IL27: variants seen among roughly 807,000 people sequenced by gnomAD.
The protein encoded by IL27 is interleukin-27 subunit alpha.
In IL27, 11 loss-of-function variants were observed where a neutral mutation model predicts 27.0. The observed-to-expected ratio is 0.41, with a 90% CI of 0.26 to 0.67. The LOEUF (loss-of-function observed/expected upper bound fraction) is 0.67. Ranked by LOEUF, IL27 falls within the 30% of genes least tolerant of loss-of-function variation. The pLI, the probability that IL27 is intolerant of heterozygous loss-of-function variation, is 0.34. For missense variants in IL27, 299 were observed against 310.4 expected (o/e 0.96, Z 0.28); for synonymous variants, 134 against 140.6 (o/e 0.95, Z 0.33).
intron 1 of IL27, among the ~76,000 whole-genome samples, chr16:28,506,248 G>A (rs1279642926): frequency 2.0e-5 from 3 of 152,078 alleles, no homozygotes; most frequent in African/African-American, 4.8e-5. Context: ...CCTGCCCTAC[G>A]TGGCATGTTA....
At position 28,501,996 on chromosome 16, in the gene IL27, G is replaced by T; in HGVS notation, c.442C>A (p.Gln148Lys). ...WAMRLDLRDL[Q>K]RHLRFQVLAA... ...TCTACCTGGAAGCGGAGGTGCCGCTGCAGATCGCGGAGGTCCAGCCTCATG... is the reference window on the plus strand; with the variant it reads ...TCTACCTGGAAGCGGAGGTGCCGCTTCAGATCGCGGAGGTCCAGCCTCATG... Residue 148 changes from glutamine (Q) to lysine (K), a missense_variant, in exon 4 of 5, where the codon CAG (glutamine) becomes AAG (lysine). By Grantham distance (53) the Gln-to-Lys change is moderately conservative (BLOSUM62 1). Coordinates refer to ENST00000356897, the MANE Select transcript of IL27 (RefSeq NM_145659.3). 1.2e-6 allele frequency: 2 copies of T among 1,607,924 alleles called. No individual in the cohort carries two copies. The highest frequency in any genetic ancestry group is 2.2e-5 in the South Asian group (2 of 90,990).
chr16:28,500,980 G>A (rs920140348), intron 4 of IL27, among the ~76,000 whole-genome samples: 14 of 152,058 alleles, frequency 9.2e-5, no homozygotes, highest in African/African-American at 2.7e-4. Flanking sequence ...CGGGCAGAGC[G>A]CGAGGTCAGG....
At chr16:28,503,521 G>A (rs2046444980) in intron 3 of IL27, among the ~76,000 whole-genome samples, 174 bp downstream of exon 3, 1 of 152,204 alleles carries the variant, frequency 6.6e-6, no homozygotes, top group Non-Finnish European at 1.5e-5. Flanking sequence ...CCAAAGTGCT[G>A]GGTTTATAGG....
At chr16:28,501,311 C>T (rs1367903320) in intron 4 of IL27, among the ~76,000 whole-genome samples, 1 of 151,658 alleles carries the variant, frequency 6.6e-6, no homozygotes, top group Admixed American at 6.6e-5. Context: ...ACAACACTCA[C>T]ATTCACACAC....
At chr16:28,506,647 T>A in intron 1 of IL27, 134 bp downstream of exon 1, 1 of 850,156 alleles carries the variant, frequency 1.2e-6, no homozygotes, top group Non-Finnish European at 1.8e-6. Flanking sequence ...TCCCTTCCCA[T>A]GCAGCAGCCA....
intron 4 of IL27, among the ~76,000 whole-genome samples, chr16:28,501,203 A>AG (rs1313143304): frequency 1.3e-4 from 20 of 151,064 alleles, no homozygotes; most frequent in Admixed American, 1.3e-4. Context: ...AAAAAAAAAA[A>AG]TCGTTCACGT....
chr16:28,503,389 A>C (rs2046444306), intron 3 of IL27, among the ~76,000 whole-genome samples: 1 of 152,160 alleles, frequency 6.6e-6, no homozygotes, highest in East Asian at 1.9e-4. Context: ...AGCTGGGACC[A>C]AAGGTGTACA....
Position 28,499,561 on chromosome 16 carries a change from C to T in IL27, c.*90G>A. The T allele has an allele frequency of 9.2e-7, 1 of 1,086,404 alleles. No homozygotes were observed. The allele number at this position is 1,086,404 out of a possible 1,614,324, so 67.3% of individuals were successfully genotyped here. On this transcript the variant is annotated 3_prime_UTR_variant, in exon 5 of 5. Transcript: ENST00000356897. ...GGGGCTGGAAGAGCCCTCCCTTGTC[C>T]AAGGCTGATGATGCGAAGGCTGCCC...
chr16:28,501,061 C>T (rs1215968110), intron 4 of IL27, among the ~76,000 whole-genome samples: 2 of 152,042 alleles, frequency 1.3e-5, no homozygotes, highest in African/African-American at 2.4e-5. Context: ...TGATGGTGCA[C>T]GCCTGTAGTC....
intron 4 of IL27, among the ~76,000 whole-genome samples, chr16:28,501,444 AC>A (rs540672169): frequency 2.0e-3 from 297 of 147,722 alleles, no homozygotes; most frequent in African/African-American, 7.2e-3. Flanking sequence ...TCACAGTCAC[AC>A]CCACACACTC....
At chr16:28,503,614 A>T in intron 3 of IL27, 81 bp downstream of exon 3, 1 of 1,000,510 alleles carries the variant, frequency 1.0e-6, no homozygotes, top group Non-Finnish European at 1.5e-6. Flanking sequence ...ATGCATCTCC[A>T]GCTCAATCTC....
In IL27 at chr16:28,503,693, A is replaced by T; in HGVS notation, c.303+2T>A. 1.2e-6 allele frequency: 2 copies of T among 1,603,466 alleles called. No individual in the cohort carries two copies. Among genetic ancestry groups the T allele is most frequent in the Non-Finnish European group, 1.7e-6 (2 of 1,173,818 alleles). ...CGCCCCACTCCACCAGCCCTCACTC[A>T]CAGAGAGGCGGCGCCAGGCCTGGAA... On this transcript the variant is annotated splice_donor_variant, in intron 3 of 4. Transcript: ENST00000356897. LOFTEE classifies it high-confidence loss of function.
intron 4 of IL27, among the ~76,000 whole-genome samples, chr16:28,501,417 TACAG>T (rs2046428160): frequency 6.8e-6 from 1 of 146,156 alleles, no homozygotes; most frequent in South Asian, 2.2e-4. Flanking sequence ...CTCACACTCA[TACAG>T]ACCCACACAC....
rs753562719 is a variant in IL27, at chr16:28,506,765, CT to C, written c.31+15del. ...CCAAACTCAACCAAGCCCCCCACCC[CT>C]GGCTTCAAACTCACGCCAGCCAAGG... On this transcript the variant is annotated intron_variant, in intron 1 of 4. Coordinates refer to ENST00000356897, the MANE Select transcript of IL27 (RefSeq NM_145659.3). 9 of 1,610,710 alleles carry C rather than the reference CT, an allele frequency of 5.6e-6. No homozygotes were observed. Among genetic ancestry groups the C allele is most frequent in the Admixed American group, 1.7e-5 (1 of 59,552 alleles).
At chr16:28,506,016 C>T (rs1317529164) in intron 1 of IL27, among the ~76,000 whole-genome samples, 1 of 152,104 alleles carries the variant, frequency 6.6e-6, no homozygotes, top group Non-Finnish European at 1.5e-5. Flanking sequence ...CTCTGACATC[C>T]TGGAGACTTA....
At position 28,503,574 on chromosome 16, in the gene IL27, A is replaced by C. The variant is rs559177577; in HGVS notation, c.303+121T>G. 2.3e-5 allele frequency: 16 copies of C among 698,766 alleles called. No individual in the cohort carries two copies. In the East Asian group the frequency reaches 4.4e-4, roughly 19 times the overall value. The allele number at this position is 698,766 out of a possible 1,614,324, so 43.3% of individuals were successfully genotyped here. On this transcript the variant is annotated intron_variant, in intron 3 of 4. Coordinates refer to ENST00000356897, the MANE Select transcript of IL27 (RefSeq NM_145659.3). The stretch of plus-strand genomic sequence containing the variant: ...GTCTTTCATCTCTATGTCCAATGAC[A>C]TATTCAGCCTTATCCAGGTTCTATC...
chr16:28,501,448 A>G (rs908202923), intron 4 of IL27, among the ~76,000 whole-genome samples: 2 of 148,414 alleles, frequency 1.3e-5, no homozygotes, highest in Non-Finnish European at 3.0e-5. Context: ...AGTCACACCC[A>G]CACACTCACA....
At chr16:28,502,505 A>G (rs2046438417) in intron 3 of IL27, among the ~76,000 whole-genome samples, 1 of 150,700 alleles carries the variant, frequency 6.6e-6, no homozygotes, top group Admixed American at 6.6e-5. Flanking sequence ...TCCTAACCCC[A>G]ACTCCATCCT....
intron 1 of IL27, among the ~76,000 whole-genome samples, chr16:28,506,280 C>T (rs935285489): frequency 2.6e-5 from 4 of 152,218 alleles, no homozygotes; most frequent in Non-Finnish European, 5.9e-5. Flanking sequence ...GCCTACTGCT[C>T]TGGTTCTAGC....
Sources: allele counts gnomAD v4.1 joint callset (sites outside exome capture counted in the v4.1 genomes callset), GRCh38; gene constraint gnomAD v4.1.1; transcripts MANE v1.5; gene names NCBI Gene and HGNC (gene_info 2026-07-23, HGNC 2026-07-21).